Variants in LUZP2 observed in about 807,000 individuals in gnomAD.
The protein encoded by LUZP2 is leucine zipper protein 2.
In LUZP2, 52 loss-of-function variants were observed where a neutral mutation model predicts 51.6. The ratio of observed to expected loss-of-function variants is 1.01; its 90% CI spans 0.81 to 1.27. The LOEUF (loss-of-function observed/expected upper bound fraction) is 1.27, where lower values mean the gene tolerates loss of function less well. Ranked by LOEUF, LUZP2 falls within the 50% of genes most tolerant of loss-of-function variation. LUZP2 has a pLI of 0.00. For synonymous variants in LUZP2, 154 were observed against 137.3 expected (o/e 1.12, Z -0.85); for missense variants, 436 against 395.4 (o/e 1.10, Z -0.87).
intron 7 of LUZP2, among the ~76,000 whole-genome samples, chr11:24,968,510 C>T (rs1303247250): frequency 6.6e-6 from 1 of 152,078 alleles, no homozygotes; most frequent in East Asian, 1.9e-4. Context: ...CTCTGGAGCT[C>T]TACTATCCTT....
At chr11:25,068,252 C>T (rs971663952) in intron 10 of LUZP2, among the ~76,000 whole-genome samples, 5 of 151,680 alleles carry the variant, frequency 3.3e-5, no homozygotes, top group South Asian at 2.1e-4. Context: ...CACAATGGCA[C>T]GTGTATACCT....
At chr11:24,557,848 A>G (rs1170783061) in intron 1 of LUZP2, among the ~76,000 whole-genome samples, 2 of 152,148 alleles carry the variant, frequency 1.3e-5, no homozygotes, top group African/African-American at 2.4e-5. Flanking sequence ...ATAAAACACT[A>G]TTATGCTTGA....
chr11:24,535,534 C>A, intron 1 of LUZP2, among the ~76,000 whole-genome samples: 1 of 151,582 alleles, frequency 6.6e-6, no homozygotes, highest in Non-Finnish European at 1.5e-5. Flanking sequence ...CAAGAAATGA[C>A]TTGCTTTGCT....
chr11:24,910,046 G>T lies in LUZP2; in HGVS notation c.459+3993G>T, dbSNP rs138016902. The stretch of plus-strand genomic sequence containing the variant: ...GGTCTCAGATGGAGATGAAGAACTT[G>T]TTGGGAACTGGAACAAAGGTGATTC... On this transcript the variant is annotated intron_variant, in intron 6 of 11. Transcript: ENST00000336930. 2.2e-3 allele frequency among the ~76,000 whole-genome samples: 333 copies of T among 152,258 alleles called. 2 individuals carry two copies. The highest frequency in any genetic ancestry group is 3.6e-3 in the Non-Finnish European group (245 of 68,012).
intron 7 of LUZP2, among the ~76,000 whole-genome samples, chr11:24,952,409 C>T (rs2133865295): frequency 6.6e-6 from 1 of 151,342 alleles, no homozygotes; most frequent in African/African-American, 2.4e-5. Flanking sequence ...AAGCAATATT[C>T]AATAAATAGA....
At chr11:24,896,739 T>C (rs538014315) in intron 5 of LUZP2, among the ~76,000 whole-genome samples, 62 of 152,312 alleles carry the variant, frequency 4.1e-4, no homozygotes, top group Admixed American at 3.9e-3. Flanking sequence ...CGGGATCCAC[T>C]AGGGGAAGCC....
intron 7 of LUZP2, 108 bp downstream of exon 7, chr11:24,914,646 GT>G (rs1853741485): frequency 1.3e-6 from 1 of 762,252 alleles, no homozygotes; most frequent in African/African-American, 1.8e-5. Flanking sequence ...ATGAATTGGA[GT>G]TGCATTTGAC....
At chr11:24,788,053 C>G (rs548367010) in intron 5 of LUZP2, among the ~76,000 whole-genome samples, 202 of 150,560 alleles carry the variant, frequency 1.3e-3, no homozygotes, top group African/African-American at 4.7e-3. Flanking sequence ...TGACCCATGT[C>G]TACTTAAATT....
intron 5 of LUZP2, among the ~76,000 whole-genome samples, chr11:24,798,132 G>A (rs1422049701): frequency 1.3e-5 from 2 of 151,604 alleles, no homozygotes; most frequent in East Asian, 3.9e-4. Context: ...TTGTTTGCTT[G>A]CTTATTTATT....
chr11:24,813,381 T>C (rs1297654335), intron 5 of LUZP2, among the ~76,000 whole-genome samples: 1 of 152,192 alleles, frequency 6.6e-6, no homozygotes, highest in Non-Finnish European at 1.5e-5. Context: ...TTCTGCAATC[T>C]GTACAGAAAG....
chr11:25,038,517 A>T (rs1459479222), intron 9 of LUZP2, among the ~76,000 whole-genome samples: 3 of 152,216 alleles, frequency 2.0e-5, no homozygotes, highest in Admixed American at 6.5e-5. Flanking sequence ...GTCTTTCTAA[A>T]AATGGCAGTT....
At chr11:24,590,166 T>C (rs1179542232) in intron 1 of LUZP2, among the ~76,000 whole-genome samples, 1 of 152,160 alleles carries the variant, frequency 6.6e-6, no homozygotes, top group African/African-American at 2.4e-5. Context: ...CCTCACACTT[T>C]TGAATCAACA....
At chr11:24,833,709 C>G (rs1257470903) in intron 5 of LUZP2, among the ~76,000 whole-genome samples, 1 of 138,550 alleles carries the variant, frequency 7.2e-6, no homozygotes, top group African/African-American at 2.7e-5. Flanking sequence ...CCACCGCGCG[C>G]GCGCACACAC....
intron 7 of LUZP2, among the ~76,000 whole-genome samples, chr11:24,968,533 A>T (rs1414038028): frequency 6.6e-6 from 1 of 152,060 alleles, no homozygotes; most frequent in African/African-American, 2.4e-5. Flanking sequence ...ACGGTGCTTA[A>T]CCTTGAGTTT....
At chr11:24,965,663 A>T (rs1024607050) in intron 7 of LUZP2, among the ~76,000 whole-genome samples, 7 of 151,846 alleles carry the variant, frequency 4.6e-5, no homozygotes, top group African/African-American at 1.7e-4. Context: ...TTACATATAA[A>T]TTTTTTAATT....
intron 5 of LUZP2, among the ~76,000 whole-genome samples, chr11:24,860,396 A>T (rs528133185): frequency 6.6e-6 from 1 of 152,268 alleles, no homozygotes; most frequent in Admixed American, 6.5e-5. Flanking sequence ...GGCAGCCCAG[A>T]TGAGTGGGTT....
chr11:24,636,648 G>T (rs192553967), intron 1 of LUZP2, among the ~76,000 whole-genome samples: 3 of 152,050 alleles, frequency 2.0e-5, no homozygotes. Context: ...CACAACTAAC[G>T]TTGTCCACAA....
rs1363491343 is a variant in LUZP2, at chr11:24,942,066, A to AATTTC, written c.522+27536_522+27540dup. 2.6e-5 allele frequency among the ~76,000 whole-genome samples: 4 copies of AATTTC among 152,228 alleles called. No individual in the cohort carries two copies. In the East Asian group the frequency reaches 7.7e-4, roughly 29 times the overall value. ...CAGTCATTTTTCCCTTTTTAATGCTAATTTCATTTCATAAATAGATACAGC... is the reference window on the plus strand; with the variant it reads ...CAGTCATTTTTCCCTTTTTAATGCTAATTTCATTTCATTTCATAAATAGATACAGC... On this transcript the variant is annotated intron_variant, in intron 7 of 11. Transcript: ENST00000336930.
chr11:24,513,338 CAG>C (rs1476274306), intron 1 of LUZP2, among the ~76,000 whole-genome samples: 8 of 152,264 alleles, frequency 5.3e-5, no homozygotes, highest in Admixed American at 2.0e-4. Context: ...AGAAAAGCTA[CAG>C]AGTCATATGA....
Sources: allele counts gnomAD v4.1 joint callset (sites outside exome capture counted in the v4.1 genomes callset), GRCh38; gene constraint gnomAD v4.1.1; transcripts MANE v1.5; gene names NCBI Gene and HGNC (gene_info 2026-07-23, HGNC 2026-07-21).